WDPCP: variants seen among roughly 807,000 people sequenced by gnomAD.
WDPCP encodes the protein WD repeat-containing and planar cell polarity effector protein fritz homolog.
WDPCP carries 71 observed loss-of-function variants against 93.1 expected under a neutral mutation model. The ratio of observed to expected loss-of-function variants is 0.76; its 90% CI spans 0.63 to 0.93. The LOEUF is 0.93. Among genes scored for constraint, WDPCP ranks in the 40% least tolerant of loss-of-function variants. The pLI is 0.00. For synonymous variants in WDPCP, 315 were observed against 315.0 expected (o/e 1.00, Z 0.00); for missense variants, 844 against 887.4 (o/e 0.95, Z 0.62).
chr2:63,413,034 A>G (rs1695137841), intron 9 of WDPCP, among the ~76,000 whole-genome samples: 1 of 152,344 alleles, frequency 6.6e-6, no homozygotes, highest in South Asian at 2.1e-4. Flanking sequence ...TAAAATTCAT[A>G]TGGAACCAAA....
At chr2:63,132,522 A>C (rs1288757157) in intron 17 of WDPCP, among the ~76,000 whole-genome samples, 1 of 144,960 alleles carries the variant, frequency 6.9e-6, no homozygotes, top group African/African-American at 2.6e-5. Flanking sequence ...TCACTTTTTT[A>C]TTCTTTTGTT....
intron 3 of WDPCP, among the ~76,000 whole-genome samples, chr2:63,611,812 A>G (rs1383690884): frequency 6.6e-6 from 1 of 152,196 alleles, no homozygotes; most frequent in Non-Finnish European, 1.5e-5. Flanking sequence ...TTCAATACAC[A>G]TTGTTGAATA....
At chr2:63,200,496 A>G (rs987890820) in intron 14 of WDPCP, among the ~76,000 whole-genome samples, 2 of 152,230 alleles carry the variant, frequency 1.3e-5, no homozygotes, top group Non-Finnish European at 2.9e-5. Context: ...ACACAATGGT[A>G]TACTATTCAG....
intron 1 of WDPCP, among the ~76,000 whole-genome samples, chr2:63,500,297 A>C (rs1425524038): frequency 3.3e-5 from 5 of 152,208 alleles, no homozygotes; most frequent in African/African-American, 1.2e-4. Flanking sequence ...CTACTTTGGA[A>C]TTTTCTAAAT....
chr2:63,292,148 A>AG (rs1684492652), intron 13 of WDPCP, among the ~76,000 whole-genome samples: 1 of 151,318 alleles, frequency 6.6e-6, no homozygotes. Context: ...AAAAAAAAAA[A>AG]AAAGAAAAAG....
intron 1 of WDPCP, among the ~76,000 whole-genome samples, chr2:63,514,789 G>A (rs944339359): frequency 6.6e-6 from 1 of 152,186 alleles, no homozygotes; most frequent in African/African-American, 2.4e-5. Context: ...TGGATAGAGA[G>A]AGAGTGATAG....
At chr2:63,594,753 C>T (rs545697857) in intron 3 of WDPCP, 15 of 551,070 alleles carry the variant, frequency 2.7e-5, no homozygotes, top group South Asian at 6.5e-5. Context: ...TTTATATGTA[C>T]GCCTCCAGGC....
At chr2:63,396,646 T>C (rs534226135) in intron 10 of WDPCP, among the ~76,000 whole-genome samples, 1 of 136,778 alleles carries the variant, frequency 7.3e-6, no homozygotes. Flanking sequence ...TATCAACCAC[T>C]AAAGTATTTC....
In WDPCP at chr2:63,477,650, G is replaced by A. The variant is rs569617963; in HGVS notation, c.384+6954C>T. ...AACAGAAAAGCCAAAAGAATCCACA[G>A]ACCCTCTGAAGGAAGTAGATTGCTC... On this transcript the variant is annotated intron_variant, in intron 6 of 17. Transcript: ENST00000272321. Among the ~76,000 whole-genome samples the A allele has an allele frequency of 7.8e-4, 119 of 152,190 alleles. No homozygotes were observed. The Middle Eastern group carries it at 0.01, about 13-fold the overall frequency.
chr2:63,401,790 G>A (rs977968685), intron 10 of WDPCP, among the ~76,000 whole-genome samples: 4 of 152,142 alleles, frequency 2.6e-5, no homozygotes, highest in African/African-American at 7.2e-5. Flanking sequence ...GGGTGACAGA[G>A]TGAGACTGTG....
intron 3 of WDPCP, chr2:63,599,798 C>A (rs964880): frequency 0.8 from 122,245 of 152,176 alleles, 49,759 homozygotes; most frequent in East Asian, 0.98. Flanking sequence ...AAAATTTCCT[C>A]CTTTCACTAC....
chr2:63,512,218 A>G (rs937810562), intron 1 of WDPCP, among the ~76,000 whole-genome samples: 1 of 152,172 alleles, frequency 6.6e-6, no homozygotes, highest in Admixed American at 6.6e-5. Context: ...TTAGGATAGC[A>G]ATCATTAAAA....
At chr2:63,170,538 GTA>G (rs1673312748) in intron 15 of WDPCP, among the ~76,000 whole-genome samples, 2 of 152,112 alleles carry the variant, frequency 1.3e-5, no homozygotes, top group African/African-American at 4.8e-5. Context: ...CAAAGTGCTG[GTA>G]TTACAGGCGT....
intron 9 of WDPCP, among the ~76,000 whole-genome samples, chr2:63,407,709 C>G (rs903233349): frequency 2.0e-5 from 3 of 152,156 alleles, no homozygotes; most frequent in Non-Finnish European, 4.4e-5. Flanking sequence ...AATAATCTGT[C>G]TTATATATTT....
chr2:63,739,125 A>G (rs1669679939), intron 2 of WDPCP, among the ~76,000 whole-genome samples: 1 of 152,048 alleles, frequency 6.6e-6, no homozygotes, highest in African/African-American at 2.4e-5. Context: ...ATATTATTTT[A>G]TCACCCCAGT....
At chr2:63,192,608 T>C (rs1435040241) in intron 14 of WDPCP, among the ~76,000 whole-genome samples, 1 of 152,228 alleles carries the variant, frequency 6.6e-6, no homozygotes, top group African/African-American at 2.4e-5. Flanking sequence ...ATCTATTAAG[T>C]GGCAGAAGAA....
intron 14 of WDPCP, among the ~76,000 whole-genome samples, chr2:63,238,505 A>T (rs192477797): frequency 6.6e-6 from 1 of 152,332 alleles, no homozygotes; most frequent in Admixed American, 6.5e-5. Context: ...AATTTTATGA[A>T]ATATGAATAT....
intron 17 of WDPCP, among the ~76,000 whole-genome samples, chr2:63,129,981 CAATCTCTTGTTGGTGGAA>C (rs1212311031): frequency 3.3e-5 from 5 of 152,120 alleles, no homozygotes; most frequent in Non-Finnish European, 7.4e-5. Context: ...CCAATGTTTT[CAATCTCTTGTTGGTGGAA>C]TCCACAGATG....
intron 1 of WDPCP, among the ~76,000 whole-genome samples, chr2:63,559,151 C>T (rs1318745019): frequency 6.6e-6 from 1 of 152,002 alleles, no homozygotes; most frequent in African/African-American, 2.4e-5. Context: ...TATTTCATCA[C>T]ATAAACAGAA....
Sources: gnomAD v4.1 joint callset for allele counts (sites outside exome capture counted in the v4.1 genomes callset) on GRCh38, gnomAD v4.1.1 for gene constraint, MANE v1.5 for transcripts, NCBI Gene and HGNC (gene_info 2026-07-23, HGNC 2026-07-21) for gene names.